PTK2: variants seen among roughly 807,000 people sequenced by gnomAD.
PTK2 encodes focal adhesion kinase 1.
PTK2 carries 45 observed loss-of-function variants against 150.1 expected under a neutral mutation model. The ratio of observed to expected loss-of-function variants is 0.30; its 90% confidence interval spans 0.24 to 0.38. The LOEUF (loss-of-function observed/expected upper bound fraction) is 0.38, where lower values mean the gene tolerates loss of function less well. Ranked by LOEUF, PTK2 falls within the 10% of genes least tolerant of loss-of-function variation. The pLI is 1.00. For synonymous variants in PTK2, 432 were observed against 449.2 expected, an observed-to-expected ratio of 0.96 and a Z score of 0.48; for missense variants, 919 against 1,307.3, an observed-to-expected ratio of 0.70 and a Z score of 4.58.
rs76469750 is a variant in PTK2 at position 140,717,769 on chromosome 8, C to T, written c.2031-60G>A. On this transcript the variant is annotated intron_variant, in intron 22 of 31. Transcript: ENST00000522684. ...CAACCCAGAGTTAGCACACACTAGA[C>T]CCCACCCTGAGTTATCTAAGGAACA... 1,963 of 1,354,916 alleles carry T rather than the reference C, an allele frequency of 1.4e-3. 11 individuals carry two copies. The East Asian group carries it at 0.018, about 13-fold the overall frequency. The allele number at this position is 1,354,916 out of a possible 1,614,324, so 83.9% of individuals were successfully genotyped here. A position where few individuals can be genotyped will look rare whatever the true frequency, so the allele number is the denominator to read the frequency against.
At chr8:140,722,466 C>A (rs2100043476) in intron 22 of PTK2, among the ~76,000 whole-genome samples, 1 of 151,830 alleles carries the variant, frequency 6.6e-6, no homozygotes, top group Non-Finnish European at 1.5e-5. Context: ...AAAAATCTCA[C>A]TGTGTTACCC....
intron 2 of PTK2, among the ~76,000 whole-genome samples, chr8:140,905,153 A>T (rs1266922233): frequency 4.6e-5 from 7 of 152,128 alleles, no homozygotes; most frequent in Admixed American, 4.6e-4. Context: ...TTCCCTCTAA[A>T]CACTGCTTTA....
At chr8:140,814,787 T>A (rs1474782263) in intron 10 of PTK2, among the ~76,000 whole-genome samples, 1 of 151,846 alleles carries the variant, frequency 6.6e-6, no homozygotes, top group Non-Finnish European at 1.5e-5. Context: ...TTTTTTTTTT[T>A]TTTTTGAGAC....
At chr8:140,751,953 T>G in intron 17 of PTK2, 1 of 588,176 alleles carries the variant, frequency 1.7e-6, no homozygotes, top group Non-Finnish European at 3.3e-6. Flanking sequence ...CACTTATATA[T>G]CTGCACCAAT....
intron 12 of PTK2, among the ~76,000 whole-genome samples, chr8:140,795,535 CCT>C (rs918147532): frequency 5.9e-5 from 9 of 152,166 alleles, no homozygotes; most frequent in South Asian, 2.1e-4. Context: ...TACTTTCTTC[CCT>C]GTCTTATTTT....
At chr8:140,934,269 T>C (rs1275516410) in intron 1 of PTK2, among the ~76,000 whole-genome samples, 2 of 151,764 alleles carry the variant, frequency 1.3e-5, no homozygotes, top group Non-Finnish European at 2.9e-5. Context: ...AGCACTGGGG[T>C]CAGTGTCATG....
At chr8:140,797,088 C>G (rs1039161003) in intron 12 of PTK2, among the ~76,000 whole-genome samples, 2 of 152,074 alleles carry the variant, frequency 1.3e-5, no homozygotes, top group Admixed American at 6.6e-5. Context: ...GCAGAGTACT[C>G]CTAAACTGTC....
chr8:140,709,055 C>G (rs2100035377), intron 23 of PTK2, among the ~76,000 whole-genome samples: 1 of 151,966 alleles, frequency 6.6e-6, no homozygotes, highest in Admixed American at 6.6e-5. Flanking sequence ...TTTTGATCAC[C>G]ACATTGCTAT....
At chr8:140,767,850 C>T (rs1488421326) in intron 14 of PTK2, among the ~76,000 whole-genome samples, 1 of 152,068 alleles carries the variant, frequency 6.6e-6, no homozygotes, top group Non-Finnish European at 1.5e-5. Context: ...GATAGTATTA[C>T]ACTGATATGA....
chr8:140,679,448 G>A (rs1017291796), intron 27 of PTK2, among the ~76,000 whole-genome samples: 1 of 152,156 alleles, frequency 6.6e-6, no homozygotes, highest in African/African-American at 2.4e-5. Flanking sequence ...TAGCCAATGT[G>A]TGCTCACGTA....
chr8:140,947,598 G>C (rs1299593838), intron 1 of PTK2, among the ~76,000 whole-genome samples: 1 of 151,860 alleles, frequency 6.6e-6, no homozygotes, highest in East Asian at 1.9e-4. Context: ...TTCCTGTGAA[G>C]ACTTCAATGA....
chr8:140,814,832 T>C (rs7006233), intron 10 of PTK2, among the ~76,000 whole-genome samples: 6,095 of 151,288 alleles, frequency 0.04, 310 homozygotes, highest in African/African-American at 0.11. Flanking sequence ...TGGAGTGCAA[T>C]GACGAAATCT....
chr8:140,924,199 C>T (rs982214130), intron 2 of PTK2, among the ~76,000 whole-genome samples: 1 of 152,112 alleles, frequency 6.6e-6, no homozygotes, highest in Admixed American at 6.5e-5. Flanking sequence ...GACACTCTTG[C>T]CCCCGCGTTA....
At chr8:140,778,088 C>T (rs2100079473) in intron 14 of PTK2, among the ~76,000 whole-genome samples, 1 of 152,100 alleles carries the variant, frequency 6.6e-6, no homozygotes. Context: ...TGGCTTGCTG[C>T]ACGTTGGGAA....
Position 140,970,995 on chromosome 8 carries a change from C to CA in PTK2, c.-122+30129dup, listed in dbSNP as rs35566976. 4.6e-5 allele frequency among the ~76,000 whole-genome samples: 7 copies of CA among 151,962 alleles called. No individual in the cohort carries two copies. The East Asian group carries it at 9.6e-4, about 21-fold the overall frequency. ...TACTGATAACAACATCAATGTCAGT[C>CA]AAAAAAAGGCAAATATTTTTGAATG... On this transcript the variant is annotated intron_variant, in intron 1 of 31. Coordinates refer to ENST00000522684, the Ensembl canonical transcript of PTK2.
intron 1 of PTK2, among the ~76,000 whole-genome samples, chr8:140,939,294 A>C (rs1244743799): frequency 6.6e-6 from 1 of 152,248 alleles, no homozygotes; most frequent in Non-Finnish European, 1.5e-5. Flanking sequence ...TTTTCATTCA[A>C]GAAATTGCAA....
intron 1 of PTK2, among the ~76,000 whole-genome samples, chr8:140,997,810 G>A (rs1475913684): frequency 6.6e-6 from 1 of 152,100 alleles, no homozygotes; most frequent in African/African-American, 2.4e-5. Context: ...GTAGTGGTAT[G>A]CACGTATAGT....
chr8:140,816,727 C>T (rs533142256), intron 10 of PTK2, among the ~76,000 whole-genome samples: 2 of 152,318 alleles, frequency 1.3e-5, no homozygotes, highest in South Asian at 2.1e-4. Context: ...CCTTGCTTTA[C>T]ATCTAAGTGA....
intron 2 of PTK2, among the ~76,000 whole-genome samples, chr8:140,894,544 C>T (rs1316117551): frequency 2.0e-5 from 3 of 151,994 alleles, no homozygotes; most frequent in Non-Finnish European, 4.4e-5. Context: ...TATGAATCTG[C>T]TGGGGGAAAA....
Sources: gnomAD v4.1 joint callset for allele counts (sites outside exome capture counted in the v4.1 genomes callset) on GRCh38, gnomAD v4.1.1 for gene constraint, MANE v1.5 for transcripts, NCBI Gene and HGNC (gene_info 2026-07-23, HGNC 2026-07-21) for gene names.